ADAMTSL3: variants seen among roughly 807,000 people sequenced by gnomAD.
ADAMTSL3 encodes ADAMTS-like protein 3.
Under a neutral mutation model 201.7 loss-of-function variants are expected in ADAMTSL3, and 128 were observed. That is an observed-to-expected ratio of 0.63 (90% confidence interval 0.55 to 0.73). The LOEUF (loss-of-function observed/expected upper bound fraction) is 0.73, where lower values mean the gene tolerates loss of function less well. Among genes scored for constraint, ADAMTSL3 ranks in the 30% least tolerant of loss-of-function variants. ADAMTSL3 has a pLI of 0.00. For missense variants in ADAMTSL3, 1,990 were observed against 2,119.6 expected, an observed-to-expected ratio of 0.94 and a Z score of 1.20; for synonymous variants, 738 against 748.4, an observed-to-expected ratio of 0.99 and a Z score of 0.23.
At chr15:83,779,090 A>G (rs184578484) in intron 4 of ADAMTSL3, among the ~76,000 whole-genome samples, 18 of 152,330 alleles carry the variant, frequency 1.2e-4, no homozygotes, top group Admixed American at 1.2e-3. Context: ...TGCACCCAAC[A>G]CAGCAGCACC....
At chr15:83,679,676 G>C (rs1000085165) in intron 2 of ADAMTSL3, among the ~76,000 whole-genome samples, 13 of 152,144 alleles carry the variant, frequency 8.5e-5, no homozygotes, top group Non-Finnish European at 1.6e-4. Flanking sequence ...GTGTGAGTTG[G>C]TTAGGGGTCT....
chr15:84,008,902 G>C (rs759946428), intron 23 of ADAMTSL3, among the ~76,000 whole-genome samples: 1 of 152,032 alleles, frequency 6.6e-6, no homozygotes, highest in Admixed American at 6.6e-5. Context: ...ACAAATCCTG[G>C]AGTCGGTTTT....
intron 2 of ADAMTSL3, among the ~76,000 whole-genome samples, chr15:83,692,685 CAAA>C (rs766382952): frequency 6.9e-5 from 3 of 43,314 alleles, no homozygotes; most frequent in Non-Finnish European, 1.4e-4. Flanking sequence ...GACTCCATCT[CAAA>C]AAAAAAAAAA....
rs538255010 is a variant in ADAMTSL3 at position 83,682,742 on chromosome 15, G to A, written c.70-21647G>A. 2.0e-5 allele frequency among the ~76,000 whole-genome samples: 3 copies of A among 152,306 alleles called. No individual in the cohort carries two copies. In the East Asian group the frequency reaches 5.8e-4, roughly 29 times the overall value. ...CCCTTGGCTTGGCCTGAATCACACT[G>A]TTTTCCTTAAATTTTCCATTAGAGA... On this transcript the variant is annotated intron_variant, in intron 2 of 29. Coordinates refer to ENST00000286744, the MANE Select transcript of ADAMTSL3 (RefSeq NM_207517.3).
chr15:83,949,653 C>T (rs896969986), intron 19 of ADAMTSL3, among the ~76,000 whole-genome samples: 2 of 152,244 alleles, frequency 1.3e-5, no homozygotes, highest in East Asian at 3.9e-4. Flanking sequence ...CCCTTTTCTC[C>T]ACATCCCTGC....
intron 7 of ADAMTSL3, among the ~76,000 whole-genome samples, chr15:83,839,583 A>T (rs1247566061): frequency 1.3e-5 from 2 of 152,220 alleles, no homozygotes; most frequent in Admixed American, 6.5e-5. Context: ...GGAAGCAGGT[A>T]GTCCAAATAG....
At chr15:83,957,400 T>C (rs1008846940) in intron 19 of ADAMTSL3, among the ~76,000 whole-genome samples, 3 of 152,190 alleles carry the variant, frequency 2.0e-5, no homozygotes, top group African/African-American at 7.2e-5. Flanking sequence ...GTTTTAGACA[T>C]ATAATTCTGG....
At chr15:83,736,305 A>T (rs183052772) in intron 3 of ADAMTSL3, among the ~76,000 whole-genome samples, 2 of 152,356 alleles carry the variant, frequency 1.3e-5, no homozygotes, top group Admixed American at 1.3e-4. Flanking sequence ...AATATTAGGC[A>T]TTTTTAAGAA....
intron 19 of ADAMTSL3, among the ~76,000 whole-genome samples, chr15:83,952,965 G>A (rs534227159): frequency 3.9e-5 from 6 of 152,178 alleles, no homozygotes; most frequent in South Asian, 2.1e-4. Context: ...TTGGGGTTCC[G>A]TTGGCATGGA....
intron 3 of ADAMTSL3, among the ~76,000 whole-genome samples, chr15:83,715,217 G>C (rs1364008507): frequency 6.6e-6 from 1 of 152,114 alleles, no homozygotes; most frequent in Non-Finnish European, 1.5e-5. Flanking sequence ...TCATGTCCCT[G>C]GGGTCAGCAG....
chr15:83,926,675 A>G (rs1468845653), intron 17 of ADAMTSL3, among the ~76,000 whole-genome samples: 5 of 148,790 alleles, frequency 3.4e-5, no homozygotes, highest in East Asian at 2.0e-4. Flanking sequence ...GTGCAATGGC[A>G]CAATCTTATG....
rs113528098 is a variant in ADAMTSL3 at position 83,659,997 on chromosome 15, T to C, written c.69+4167T>C. 6.0e-3 allele frequency among the ~76,000 whole-genome samples: 914 copies of C among 152,284 alleles called. 4 individuals carry two copies. The highest frequency in any genetic ancestry group is 0.02 in the African/African-American group (849 of 41,546). On this transcript the variant is annotated intron_variant, in intron 2 of 29. Transcript: ENST00000286744. The stretch of plus-strand genomic sequence containing the variant: ...TCAGAACTGTAAAAGAATAAACTTA[T>C]GTTGTTTTAAGACCTAAATTTGTGG...
chr15:83,861,120 G>T (rs995738516), intron 8 of ADAMTSL3, among the ~76,000 whole-genome samples: 1 of 152,204 alleles, frequency 6.6e-6, no homozygotes, highest in African/African-American at 2.4e-5. Flanking sequence ...GGCTGGGGGA[G>T]GGGCACCCAC....
At chr15:83,860,793 T>A (rs974199478) in intron 8 of ADAMTSL3, among the ~76,000 whole-genome samples, 2 of 152,088 alleles carry the variant, frequency 1.3e-5, no homozygotes, top group Non-Finnish European at 2.9e-5. Flanking sequence ...CGGGTTCCTC[T>A]CTCTGGGGAG....
intron 3 of ADAMTSL3, among the ~76,000 whole-genome samples, chr15:83,710,960 T>A (rs2061925637): frequency 6.6e-6 from 1 of 152,202 alleles, no homozygotes. Flanking sequence ...CATTTTTACA[T>A]CTAATCTGTG....
intron 19 of ADAMTSL3, among the ~76,000 whole-genome samples, chr15:83,960,281 C>T (rs1020179592): frequency 3.3e-5 from 5 of 152,172 alleles, no homozygotes; most frequent in African/African-American, 1.2e-4. Context: ...AACACTGTGT[C>T]TTCAATGAAC....
chr15:83,961,031 TGTCTAGGGAA>T (rs2066959679), intron 19 of ADAMTSL3, among the ~76,000 whole-genome samples: 1 of 152,088 alleles, frequency 6.6e-6, no homozygotes, highest in African/African-American at 2.4e-5. Context: ...ATAGTCTTGA[TGTCTAGGGAA>T]AAAGTGGCTT....
intron 15 of ADAMTSL3, among the ~76,000 whole-genome samples, chr15:83,900,817 C>T (rs1022319311): frequency 6.6e-6 from 1 of 152,200 alleles, no homozygotes; most frequent in Non-Finnish European, 1.5e-5. Flanking sequence ...ATGCCCCATC[C>T]CATGTGACAA....
intron 20 of ADAMTSL3, among the ~76,000 whole-genome samples, chr15:83,979,683 A>T (rs2067351115): frequency 6.6e-6 from 1 of 152,252 alleles, no homozygotes; most frequent in Non-Finnish European, 1.5e-5. Context: ...AGAGTAAAGT[A>T]TAATGATTTC....
Sources: gnomAD v4.1 joint callset for allele counts (sites outside exome capture counted in the v4.1 genomes callset) on GRCh38, gnomAD v4.1.1 for gene constraint, MANE v1.5 for transcripts, NCBI Gene and HGNC (gene_info 2026-07-23, HGNC 2026-07-21) for gene names.